PDK1: variants seen among roughly 807,000 people sequenced by gnomAD.
PDK1 encodes the protein [Pyruvate dehydrogenase (acetyl-transferring)] kinase isozyme 1, mitochondrial.
Under a neutral mutation model 54.2 loss-of-function variants are expected in PDK1, and 39 were observed. The observed-to-expected ratio is 0.72, with a 90% confidence interval of 0.56 to 0.94. The LOEUF (loss-of-function observed/expected upper bound fraction) is 0.94. Ranked by LOEUF, PDK1 falls within the 40% of genes least tolerant of loss-of-function variation. The pLI is 0.00. For synonymous variants in PDK1, 221 were observed against 207.1 expected, an observed-to-expected ratio of 1.07 and a Z score of -0.58; for missense variants, 552 against 566.0, an observed-to-expected ratio of 0.98 and a Z score of 0.25.
At chr2:172,650,438 T>C in the PDK1 span, among the ~76,000 whole-genome samples, 1 of 152,020 alleles carries the variant, frequency 6.6e-6, no homozygotes, top group Admixed American at 6.6e-5. Context: ...ACGAGCAAAA[T>C]AACCAGCTAA....
the PDK1 span, among the ~76,000 whole-genome samples, chr2:172,661,491 G>C: frequency 6.6e-6 from 1 of 152,138 alleles, no homozygotes. Context: ...CACATTCAGT[G>C]ACGTCAGCCA....
chr2:172,645,018 G>A, the PDK1 span, among the ~76,000 whole-genome samples: 1 of 151,200 alleles, frequency 6.6e-6, no homozygotes, highest in African/African-American at 2.4e-5. Context: ...GATTACATTC[G>A]GTGGTGTGCT....
chr2:172,695,132 A>G, the PDK1 span, among the ~76,000 whole-genome samples: 1 of 152,280 alleles, frequency 6.6e-6, no homozygotes, highest in South Asian at 2.1e-4. Flanking sequence ...AACAAAACAA[A>G]AAAAGTTTAG....
the PDK1 span, among the ~76,000 whole-genome samples, chr2:172,641,441 ATTTTT>A: frequency 2.5e-5 from 3 of 119,584 alleles, no homozygotes; most frequent in African/African-American, 3.0e-5. Context: ...TAACTTGTCC[ATTTTT>A]TTTTTTTTTT....
chr2:172,571,647 C>T (rs1558936703), intron 8 of PDK1, among the ~76,000 whole-genome samples: 1 of 152,086 alleles, frequency 6.6e-6, no homozygotes, highest in Non-Finnish European at 1.5e-5. Flanking sequence ...ACTAGTATTA[C>T]AGGTGTGAGC....
At chr2:172,564,066 A>G in intron 3 of PDK1, 1 of 472,042 alleles carries the variant, frequency 2.1e-6, no homozygotes, top group South Asian at 1.5e-5. Flanking sequence ...TAGGTCCAAA[A>G]CAGGCAGGCT....
At chr2:172,583,750 T>C (rs1008005366) in intron 8 of PDK1, among the ~76,000 whole-genome samples, 4 of 152,122 alleles carry the variant, frequency 2.6e-5, no homozygotes, top group Admixed American at 2.6e-4. Context: ...AAAGGTAATA[T>C]ATATATACTG....
At chr2:172,592,911 A>G (rs768162987) in intron 9 of PDK1, 24 bp from the exon 10 acceptor site, 11 of 1,275,656 alleles carry the variant, frequency 8.6e-6, no homozygotes, top group Non-Finnish European at 1.0e-5. Flanking sequence ...TTCTGAATAG[A>G]ATTTTGTTTT....
chr2:172,567,955 C>T (rs887366502), intron 6 of PDK1, among the ~76,000 whole-genome samples: 2 of 152,202 alleles, frequency 1.3e-5, no homozygotes, highest in East Asian at 3.9e-4. Flanking sequence ...GATGCTAGCT[C>T]ATATTTTTTA....
chr2:172,590,927 C>G (rs1265280472), intron 9 of PDK1, among the ~76,000 whole-genome samples: 2 of 152,188 alleles, frequency 1.3e-5, no homozygotes, highest in East Asian at 1.9e-4. Flanking sequence ...TCCATCCCCC[C>G]TCTAAACAGT....
At position 172,565,532 on chromosome 2, in the gene PDK1, G is replaced by T. The variant is rs188804535; in HGVS notation, c.691+459G>T. On this transcript the variant is annotated intron_variant, in intron 5 of 10. Coordinates refer to ENST00000282077, the MANE Select transcript of PDK1 (RefSeq NM_002610.5). ...TTGGCCAGGCTGGTCTGGAACTCCT[G>T]CCTGCCTGCCTGCCTGCCTCGGCCT... Among the ~76,000 whole-genome samples, 10 of 152,074 alleles carry T rather than the reference G, an allele frequency of 6.6e-5. No individual in the cohort carries two copies. In the East Asian group the frequency reaches 1.7e-3, roughly 26 times the overall value.
the PDK1 span, among the ~76,000 whole-genome samples, chr2:172,689,384 TG>T: frequency 1.3e-5 from 2 of 152,236 alleles, no homozygotes; most frequent in African/African-American, 4.8e-5. Context: ...TCCATGCTCA[TG>T]GATAGGAAGA....
the PDK1 span, among the ~76,000 whole-genome samples, chr2:172,710,470 C>T: frequency 2.0e-5 from 3 of 152,168 alleles, no homozygotes; most frequent in Non-Finnish European, 4.4e-5. Context: ...TTTCCTTATA[C>T]ATGTATAAGT....
the PDK1 span, among the ~76,000 whole-genome samples, chr2:172,630,213 A>G: frequency 2.6e-5 from 4 of 152,238 alleles, no homozygotes; most frequent in African/African-American, 4.8e-5. Context: ...ATCTTTTCCT[A>G]AAAACTATGT....
At chr2:172,706,039 T>A in the PDK1 span, among the ~76,000 whole-genome samples, 1 of 152,212 alleles carries the variant, frequency 6.6e-6, no homozygotes, top group Non-Finnish European at 1.5e-5. Context: ...CTATAGTATG[T>A]CAGTTATCAC....
chr2:172,704,893 A>G, the PDK1 span, among the ~76,000 whole-genome samples: 1 of 152,226 alleles, frequency 6.6e-6, no homozygotes, highest in Non-Finnish European at 1.5e-5. Flanking sequence ...TGGAGTCCCA[A>G]TATCAACCGA....
At chr2:172,629,871 A>C in the PDK1 span, among the ~76,000 whole-genome samples, 1 of 152,186 alleles carries the variant, frequency 6.6e-6, no homozygotes, top group East Asian at 1.9e-4. Flanking sequence ...CGTCCTGTGA[A>C]GGTTTGAAAG....
downstream of PDK1, among the ~76,000 whole-genome samples, chr2:172,610,482 C>A (rs939962643): frequency 2.0e-5 from 3 of 152,068 alleles, no homozygotes; most frequent in African/African-American, 7.2e-5. Flanking sequence ...GTTCTCCAGT[C>A]CTGGGTGGGA....
the PDK1 span, among the ~76,000 whole-genome samples, chr2:172,665,227 T>C: frequency 6.6e-6 from 1 of 152,144 alleles, no homozygotes; most frequent in Non-Finnish European, 1.5e-5. Flanking sequence ...TTGCCCCCTT[T>C]AAATTGCCCA....
Sources: gnomAD v4.1 joint callset for allele counts (sites outside exome capture counted in the v4.1 genomes callset) on GRCh38, gnomAD v4.1.1 for gene constraint, MANE v1.5 for transcripts, NCBI Gene and HGNC (gene_info 2026-07-23, HGNC 2026-07-21) for gene names.